The following PDZRN4 variants were observed in gnomAD, a reference collection of about 807,000 sequenced individuals.
The protein encoded by PDZRN4 is PDZ domain-containing RING finger protein 4.
Under a neutral mutation model 99.0 loss-of-function variants are expected in PDZRN4, and 70 were observed. The observed-to-expected ratio is 0.71, with a 90% CI of 0.58 to 0.86. The LOEUF is 0.86. PDZRN4 is among the 40% of genes least tolerant of loss of function. PDZRN4 has a pLI of 0.00. For synonymous variants in PDZRN4, 551 were observed against 501.6 expected, an observed-to-expected ratio of 1.10 and a Z score of -1.32; for missense variants, 1,474 against 1,331.2, an observed-to-expected ratio of 1.11 and a Z score of -1.67.
At chr12:41,444,781 G>A (rs567749709) in intron 3 of PDZRN4, among the ~76,000 whole-genome samples, 5 of 151,928 alleles carry the variant, frequency 3.3e-5, no homozygotes, top group Admixed American at 1.3e-4. Flanking sequence ...AGTAAAATAA[G>A]TTGATTTTAC....
At chr12:41,214,430 T>TAAAACAAAAAAAAAAAAAAAAA (rs1950907668) in intron 3 of PDZRN4, among the ~76,000 whole-genome samples, 1 of 34,078 alleles carries the variant, frequency 2.9e-5, no homozygotes, top group East Asian at 1.1e-3. Context: ...CCCTGTCCCC[T>TAAAACAAAAAAAAAAAAAAAAA]AAAAAAAAAA....
At chr12:41,191,846 G>A (rs1445939805) in intron 2 of PDZRN4, among the ~76,000 whole-genome samples, 2 of 151,782 alleles carry the variant, frequency 1.3e-5, no homozygotes, top group East Asian at 3.9e-4. Context: ...GCAGTGGCAC[G>A]ATCTCAGCTC....
At chr12:41,392,084 A>G (rs911040309) in intron 3 of PDZRN4, among the ~76,000 whole-genome samples, 4 of 152,196 alleles carry the variant, frequency 2.6e-5, no homozygotes, top group African/African-American at 9.6e-5. Flanking sequence ...AAATGTACTG[A>G]TATCAGAATT....
At chr12:41,469,710 T>C (rs7966351) in intron 3 of PDZRN4, among the ~76,000 whole-genome samples, 9,922 of 152,112 alleles carry the variant, frequency 0.065, 779 homozygotes, top group East Asian at 0.18. Flanking sequence ...GGGGGGCCGA[T>C]CACGAGGTCA....
In PDZRN4 at chr12:41,567,779, G is replaced by C; in HGVS notation, c.1468-4G>C. 1 of 1,587,878 alleles carries C rather than the reference G, an allele frequency of 6.3e-7. No individual in the cohort carries two copies. The highest frequency in any genetic ancestry group is 8.6e-7 in the Non-Finnish European group (1 of 1,157,964). On this transcript the variant is annotated splice_polypyrimidine_tract_variant and splice_region_variant and intron_variant, in intron 8 of 9. Coordinates refer to ENST00000402685, the MANE Select transcript of PDZRN4 (RefSeq NM_001164595.2). The stretch of plus-strand genomic sequence containing the variant: ...ATATAATGTACTAATGTATTCTTTT[G>C]CAGCTGGATGAAGGCTGGCTGGAAG...
chr12:41,246,207 A>G (rs967314138), intron 3 of PDZRN4, among the ~76,000 whole-genome samples: 3 of 152,168 alleles, frequency 2.0e-5, no homozygotes, highest in African/African-American at 7.2e-5. Flanking sequence ...GTCTGCATAG[A>G]TTTTTTAAAA....
At chr12:41,435,474 C>G (rs1259467211) in intron 3 of PDZRN4, among the ~76,000 whole-genome samples, 1 of 152,160 alleles carries the variant, frequency 6.6e-6, no homozygotes, top group Admixed American at 6.5e-5. Flanking sequence ...ACTCTAATTC[C>G]TTGATCTGAC....
At chr12:41,473,454 T>C (rs1267683294) in intron 3 of PDZRN4, 1 of 152,076 alleles carries the variant, frequency 6.6e-6, no homozygotes, top group Admixed American at 6.6e-5. Flanking sequence ...ATAAAACCAA[T>C]AGAAGTTCAA....
intron 5 of PDZRN4, among the ~76,000 whole-genome samples, chr12:41,552,348 A>G (rs1169617750): frequency 6.6e-6 from 1 of 152,126 alleles, no homozygotes; most frequent in African/African-American, 2.4e-5. Context: ...CAGTGTATTC[A>G]TGTATACATG....
At chr12:41,364,590 C>T (rs1446391601) in intron 3 of PDZRN4, among the ~76,000 whole-genome samples, 3 of 152,106 alleles carry the variant, frequency 2.0e-5, no homozygotes, top group Non-Finnish European at 4.4e-5. Context: ...TCTCTAACAG[C>T]TTTCTAAATC....
rs752003607 is a variant in PDZRN4 at position 41,571,335 on chromosome 12, G to GTCTCTCTCTCTCTCTCTCTC, written c.1585-1006_1585-987dup. Among the ~76,000 whole-genome samples the GTCTCTCTCTCTCTCTCTCTC allele has an allele frequency of 2.1e-4, 21 of 101,276 alleles. 1 individual carries two copies. The highest frequency in any genetic ancestry group is 2.1e-3 in the Admixed American group (19 of 9,186). 66.4% of individuals were successfully genotyped at this position (101,276 alleles called of 152,430 possible). On this transcript the variant is annotated intron_variant, in intron 9 of 9. Transcript: ENST00000402685. ...TACATGAAAGCCAAAAATTACCAGA[G>GTCTCTCTCTCTCTCTCTCTC]TCTCTCTCTCTCTCTCTCTCTCTCT...
At chr12:41,562,369 G>A (rs1314016222) in intron 7 of PDZRN4, among the ~76,000 whole-genome samples, 2 of 152,136 alleles carry the variant, frequency 1.3e-5, no homozygotes, top group African/African-American at 2.4e-5. Flanking sequence ...GACCTATGAG[G>A]AGAAAAACCT....
intron 7 of PDZRN4, 58 bp downstream of exon 7, chr12:41,555,818 A>T: frequency 2.2e-6 from 3 of 1,352,946 alleles, no homozygotes; most frequent in Non-Finnish European, 3.2e-6. Flanking sequence ...TTACTATTTT[A>T]CTTTGTTTCT....
chr12:41,462,547 A>G (rs917974080), intron 3 of PDZRN4, among the ~76,000 whole-genome samples: 3 of 152,206 alleles, frequency 2.0e-5, no homozygotes, highest in Non-Finnish European at 2.9e-5. Context: ...TTCCTAGACT[A>G]TGTTTAAGGA....
chr12:41,277,300 C>T (rs1480299712), intron 3 of PDZRN4, among the ~76,000 whole-genome samples: 2 of 152,090 alleles, frequency 1.3e-5, no homozygotes, highest in Non-Finnish European at 2.9e-5. Flanking sequence ...TCATTTTTCA[C>T]GTAGTTTTAG....
chr12:41,489,344 A>G (rs1937838276), intron 3 of PDZRN4, among the ~76,000 whole-genome samples: 1 of 152,122 alleles, frequency 6.6e-6, no homozygotes, highest in Non-Finnish European at 1.5e-5. Flanking sequence ...AGCCTGCTAC[A>G]ACAAAGAATT....
At chr12:41,490,382 T>G (rs923159115) in intron 3 of PDZRN4, among the ~76,000 whole-genome samples, 1 of 152,118 alleles carries the variant, frequency 6.6e-6, no homozygotes, top group Admixed American at 6.6e-5. Flanking sequence ...CCTTCAAATC[T>G]ATACCACCCA....
At chr12:41,232,847 A>G (rs1211631869) in intron 3 of PDZRN4, among the ~76,000 whole-genome samples, 9 of 152,116 alleles carry the variant, frequency 5.9e-5, no homozygotes, top group African/African-American at 7.2e-5. Context: ...TAATTTTCGT[A>G]TAAAGTGTAA....
At chr12:41,367,528 A>AAAAG (rs1952010227) in intron 3 of PDZRN4, among the ~76,000 whole-genome samples, 2 of 152,102 alleles carry the variant, frequency 1.3e-5, no homozygotes, top group Admixed American at 6.5e-5. Flanking sequence ...AAATAAATAA[A>AAAAG]AAAGAAAGAA....
Sources: gnomAD v4.1 joint callset for allele counts (sites outside exome capture counted in the v4.1 genomes callset) on GRCh38, gnomAD v4.1.1 for gene constraint, MANE v1.5 for transcripts, NCBI Gene and HGNC (gene_info 2026-07-23, HGNC 2026-07-21) for gene names.